Variants in ROPN1 observed in about 807,000 individuals in gnomAD.
ROPN1 encodes ropporin-1A.
ROPN1 carries 14 observed loss-of-function variants against 20.5 expected under a neutral mutation model. The observed-to-expected ratio is 0.68, with a 90% CI of 0.45 to 1.07. The LOEUF (loss-of-function observed/expected upper bound fraction) is 1.07. ROPN1 is among the 50% of genes least tolerant of loss of function. ROPN1 has a pLI of 0.00. For synonymous variants in ROPN1, 76 were observed against 95.7 expected, an observed-to-expected ratio of 0.79 and a Z score of 1.20; for missense variants, 169 against 242.8, an observed-to-expected ratio of 0.70 and a Z score of 2.02.
intron 1 of ROPN1, among the ~76,000 whole-genome samples, chr3:123,985,877 T>C (rs1375359242): frequency 1.3e-5 from 2 of 150,902 alleles, no homozygotes; most frequent in African/African-American, 4.9e-5. Flanking sequence ...CCGGGCATGG[T>C]GGCACATGCC....
intron 1 of ROPN1, among the ~76,000 whole-genome samples, chr3:123,988,879 G>A (rs1348629306): frequency 2.0e-5 from 3 of 151,872 alleles, no homozygotes; most frequent in African/African-American, 7.3e-5. Context: ...TATAATAAGT[G>A]TCAAGAAGCC....
At chr3:123,982,005 A>G (rs1390408423) in intron 1 of ROPN1, among the ~76,000 whole-genome samples, 2 of 152,238 alleles carry the variant, frequency 1.3e-5, no homozygotes, top group Non-Finnish European at 2.9e-5. Flanking sequence ...TAATGCATAC[A>G]TATCAGTAAT....
intron 4 of ROPN1, among the ~76,000 whole-genome samples, chr3:123,971,817 C>A (rs1016149539): frequency 6.6e-6 from 1 of 152,196 alleles, no homozygotes; most frequent in East Asian, 1.9e-4. Context: ...CCATGGGGTG[C>A]TGGTATGGGC....
At chr3:123,980,220 G>A (rs1454366609) in intron 2 of ROPN1, 146 bp downstream of exon 2, 1 of 714,174 alleles carries the variant, frequency 1.4e-6, no homozygotes, top group Non-Finnish European at 2.4e-6. Flanking sequence ...GGATTTTAAA[G>A]CATCAAAGCA....
intron 4 of ROPN1, among the ~76,000 whole-genome samples, chr3:123,971,904 C>T (rs1457923114): frequency 6.6e-6 from 1 of 152,040 alleles, no homozygotes; most frequent in East Asian, 1.9e-4. Flanking sequence ...GAACATACGA[C>T]CGTTAAAAAG....
chr3:123,980,766 G>A (rs12631074), intron 1 of ROPN1: 28,967 of 329,624 alleles, frequency 0.088, 4,089 homozygotes, highest in East Asian at 0.34. Flanking sequence ...TAATGATATC[G>A]CCCCAAAATA....
intron 4 of ROPN1, among the ~76,000 whole-genome samples, chr3:123,971,732 C>T (rs2037923384): frequency 6.6e-6 from 1 of 152,138 alleles, no homozygotes; most frequent in South Asian, 2.1e-4. Context: ...ACAGCTCACC[C>T]TGTTTCTGTA....
chr3:123,970,737 A>G (rs1451593845), intron 4 of ROPN1, among the ~76,000 whole-genome samples: 1 of 152,182 alleles, frequency 6.6e-6, no homozygotes, highest in Admixed American at 6.5e-5. Context: ...TTAAACATCA[A>G]GATAAACGTT....
At position 123,971,805 on chromosome 3, in the gene ROPN1, TC is replaced by T. The variant is rs201875205; in HGVS notation, c.397-1589del. Among the ~76,000 whole-genome samples, 6 of 152,274 alleles carry T rather than the reference TC, an allele frequency of 3.9e-5. No individual in the cohort carries two copies. In the East Asian group the frequency reaches 9.6e-4, roughly 24 times the overall value. ...CCTAATGCTTTGTTCTGTTGCCCTCTCCCATGGGGTGCTGGTATGGGCTGAA... is the reference window on the plus strand; with the variant it reads ...CCTAATGCTTTGTTCTGTTGCCCTCTCCATGGGGTGCTGGTATGGGCTGAA... On this transcript the variant is annotated intron_variant, in intron 4 of 5. Transcript: ENST00000405845.
intron 4 of ROPN1, among the ~76,000 whole-genome samples, chr3:123,972,666 A>G (rs1365433260): frequency 2.0e-5 from 3 of 152,214 alleles, no homozygotes; most frequent in Non-Finnish European, 2.9e-5. Flanking sequence ...AAATGTACCT[A>G]TTACCTACCA....
intron 1 of ROPN1, chr3:123,991,164 T>C (rs1297266210): frequency 6.7e-6 from 1 of 149,016 alleles, no homozygotes; most frequent in Non-Finnish European, 1.5e-5. Flanking sequence ...TACATACCCT[T>C]CCAGAGCATC....
At chr3:123,973,136 A>G (rs2037946823) in intron 4 of ROPN1, among the ~76,000 whole-genome samples, 1 of 152,182 alleles carries the variant, frequency 6.6e-6, no homozygotes, top group Non-Finnish European at 1.5e-5. Context: ...TTGAGATTTC[A>G]ATATATGAAT....
chr3:123,970,099 T>G lies in ROPN1; in HGVS notation c.515A>C (p.Asp172Ala), dbSNP rs1307015320. 6.2e-7 allele frequency: 1 copy of G among 1,614,046 alleles called. No homozygotes were observed. The highest frequency in any genetic ancestry group is 1.3e-5 in the African/African-American group (1 of 74,926). Reference protein sequence around the residue: ...QFLYTYIAKVDGEISASHVSR... With the variant: ...QFLYTYIAKVAGEISASHVSR... ...GACATGTGATGCAGAGATCTCCCCA[T>G]CCACTTTGGCAATATACGTGTAGAG... Residue 172 changes from aspartate (D) to alanine (A), a missense_variant, in exon 5 of 6, where the codon GAT becomes GCT. By Grantham distance (126) the Asp-to-Ala change is moderately radical (BLOSUM62 -2). Around this residue, in one of 3 missense-constraint regions of ROPN1, gnomAD observed 82 missense variants for 100.1 expected, o/e 0.82. Coordinates refer to ENST00000405845, the MANE Select transcript of ROPN1 (RefSeq NM_001317774.2).
chr3:123,982,494 A>G (rs1328449333), intron 1 of ROPN1, among the ~76,000 whole-genome samples: 1 of 152,172 alleles, frequency 6.6e-6, no homozygotes, highest in African/African-American at 2.4e-5. Context: ...TCTCAGTACT[A>G]TTAGTAATGC....
chr3:123,970,504 G>A (rs2037894900), intron 4 of ROPN1, among the ~76,000 whole-genome samples: 2 of 152,060 alleles, frequency 1.3e-5, no homozygotes, highest in African/African-American at 2.4e-5. Flanking sequence ...ACTTTAGCCC[G>A]AATAACCTCA....
chr3:123,984,937 C>T (rs918397446), intron 1 of ROPN1, among the ~76,000 whole-genome samples: 13 of 152,116 alleles, frequency 8.5e-5, no homozygotes, highest in African/African-American at 3.1e-4. Context: ...ATAGGCCTTC[C>T]TAGAAAACTT....
chr3:123,970,427 T>C (rs1346950405), intron 4 of ROPN1, among the ~76,000 whole-genome samples: 7 of 152,252 alleles, frequency 4.6e-5, no homozygotes, highest in Admixed American at 2.6e-4. Flanking sequence ...ATTTCTTTTC[T>C]TTCTTTGTTG....
intron 4 of ROPN1, among the ~76,000 whole-genome samples, chr3:123,974,303 G>T (rs1191699186): frequency 6.6e-6 from 1 of 152,272 alleles, no homozygotes; most frequent in East Asian, 1.9e-4. Context: ...CCCCAGTCCT[G>T]ACTGACAACT....
At chr3:123,981,891 T>A (rs981447833) in intron 1 of ROPN1, among the ~76,000 whole-genome samples, 33 of 151,936 alleles carry the variant, frequency 2.2e-4, no homozygotes, top group African/African-American at 7.3e-4. Flanking sequence ...AGGAATTTTT[T>A]AAAAACACAA....
Sources: gnomAD v4.1 joint callset for allele counts (sites outside exome capture counted in the v4.1 genomes callset) on GRCh38, gnomAD v4.1.1 for gene constraint, gnomAD v4.1.1 regional missense constraint, MANE v1.5 for transcripts, NCBI Gene and HGNC (gene_info 2026-07-23, HGNC 2026-07-21) for gene names.